Variants in OSBPL10 observed in about 807,000 individuals in gnomAD.
The protein encoded by OSBPL10 is oxysterol-binding protein-related protein 10.
Under a neutral mutation model 81.7 loss-of-function variants are expected in OSBPL10, and 49 were observed. That is an observed-to-expected ratio of 0.60 (90% CI 0.48 to 0.76). The LOEUF (loss-of-function observed/expected upper bound fraction) is 0.76. Ranked by LOEUF, OSBPL10 falls within the 30% of genes least tolerant of loss-of-function variation. The pLI is 0.00. For missense variants in OSBPL10, 923 were observed against 987.8 expected (o/e 0.93, Z 0.88); for synonymous variants, 419 against 383.6 (o/e 1.09, Z -1.08).
intron 7 of OSBPL10, among the ~76,000 whole-genome samples, chr3:31,691,473 A>C (rs563289999): frequency 3.2e-4 from 48 of 152,274 alleles, no homozygotes; most frequent in Non-Finnish European, 6.0e-4. Flanking sequence ...TGATCCCAGC[A>C]TTTTGAGAGG....
At chr3:31,947,236 C>G (rs1271669739) in intron 1 of OSBPL10, among the ~76,000 whole-genome samples, 1 of 152,064 alleles carries the variant, frequency 6.6e-6, no homozygotes, top group Non-Finnish European at 1.5e-5. Context: ...ACATAGAGAC[C>G]AGGATCCCAT....
chr3:31,928,762 C>CAAAAAAAAA (rs58345341), intron 1 of OSBPL10, among the ~76,000 whole-genome samples: 4 of 95,098 alleles, frequency 4.2e-5, no homozygotes, highest in East Asian at 5.9e-4. Context: ...GACTTGTCTC[C>CAAAAAAAAA]AAAAAAAAAA....
chr3:31,871,782 G>A (rs971301101), intron 3 of OSBPL10, among the ~76,000 whole-genome samples: 2 of 152,196 alleles, frequency 1.3e-5, no homozygotes, highest in African/African-American at 4.8e-5. Context: ...AGGATGGATT[G>A]AGAGCCTGGG....
chr3:32,041,858 C>T (rs1170272866), intron 2 of OSBPL10, among the ~76,000 whole-genome samples: 1 of 152,110 alleles, frequency 6.6e-6, no homozygotes, highest in African/African-American at 2.4e-5. Context: ...GGGTGTTTCA[C>T]CATGTTGGCC....
At chr3:31,718,857 T>G (rs925501487) in intron 6 of OSBPL10, 1 of 152,186 alleles carries the variant, frequency 6.6e-6, no homozygotes, top group African/African-American at 2.4e-5. Context: ...AGAACCTCCA[T>G]GGAATGCATC....
intron 2 of OSBPL10, among the ~76,000 whole-genome samples, chr3:32,033,789 G>A (rs1446341592): frequency 6.6e-6 from 1 of 152,190 alleles, no homozygotes; most frequent in Non-Finnish European, 1.5e-5. Flanking sequence ...CAGGCCAGGT[G>A]CAGTGGCTCA....
intron 4 of OSBPL10, among the ~76,000 whole-genome samples, chr3:31,790,935 C>A (rs574586773): frequency 3.3e-5 from 5 of 152,242 alleles, no homozygotes; most frequent in African/African-American, 7.2e-5. Context: ...TGTTCTCCCC[C>A]AAATGTAAGC....
At chr3:31,776,192 A>G (rs1698544566) in intron 4 of OSBPL10, among the ~76,000 whole-genome samples, 1 of 152,194 alleles carries the variant, frequency 6.6e-6, no homozygotes, top group African/African-American at 2.4e-5. Context: ...AAGTCAAGCA[A>G]TTATGCAACA....
chr3:31,822,413 CTGAAT>C (rs2125509057), intron 4 of OSBPL10, among the ~76,000 whole-genome samples: 1 of 152,260 alleles, frequency 6.6e-6, no homozygotes, highest in African/African-American at 2.4e-5. Flanking sequence ...AGCCTCCCTA[CTGAAT>C]TAAGTGTTGT....
intron 4 of OSBPL10, among the ~76,000 whole-genome samples, chr3:31,823,657 A>T (rs2125512450): frequency 6.6e-6 from 1 of 152,370 alleles, no homozygotes; most frequent in East Asian, 1.9e-4. Flanking sequence ...ATTTAACTGA[A>T]TGGATATAAA....
chr3:31,896,463 C>G (rs1696060619), intron 1 of OSBPL10, among the ~76,000 whole-genome samples: 2 of 152,164 alleles, frequency 1.3e-5, no homozygotes, highest in African/African-American at 4.8e-5. Context: ...GAGAACGTGC[C>G]CATCTCCAGC....
rs1287171509 is a variant in OSBPL10 at position 31,852,648 on chromosome 3, G to T, written c.538-22417C>A. Among the ~76,000 whole-genome samples the T allele has an allele frequency of 2.0e-5, 3 of 152,104 alleles. No individual in the cohort carries two copies. In the East Asian group the frequency reaches 5.8e-4, roughly 29 times the overall value. On this transcript the variant is annotated intron_variant, in intron 3 of 11. Transcript: ENST00000396556. ...GGCTGGAGTGCAGTGGCATGCTCTC[G>T]ACTCACTACAACCTCCAACTCCCAG...
intron 4 of OSBPL10, among the ~76,000 whole-genome samples, chr3:31,812,724 AAGAAAGAAAGAAAGAAAGAAAGAAAG>A (rs1559476082): frequency 3.8e-4 from 7 of 18,376 alleles, no homozygotes; most frequent in South Asian, 2.0e-3. Flanking sequence ...AAAAAAAAGA[AAGAAAGAAAGAAAGAAAGAAAGAAAG>A]AAAGAAAGAA....
chr3:31,833,964 C>A (rs947211593), intron 3 of OSBPL10, among the ~76,000 whole-genome samples: 2 of 152,176 alleles, frequency 1.3e-5, no homozygotes, highest in African/African-American at 2.4e-5. Flanking sequence ...AGTCAAAAAA[C>A]CTTTAATTTT....
chr3:32,002,617 T>G (rs1342063151), intron 2 of OSBPL10, among the ~76,000 whole-genome samples: 1 of 152,160 alleles, frequency 6.6e-6, no homozygotes, highest in Non-Finnish European at 1.5e-5. Flanking sequence ...TCTCTCTTGG[T>G]GACTTAGATC....
chr3:31,878,135 C>G (rs1172080916), intron 2 of OSBPL10, among the ~76,000 whole-genome samples: 1 of 152,026 alleles, frequency 6.6e-6, no homozygotes, highest in East Asian at 1.9e-4. Context: ...ATCATAAAAC[C>G]TCTATATTTG....
chr3:31,808,146 A>G (rs1003137817), intron 4 of OSBPL10, among the ~76,000 whole-genome samples: 1 of 152,152 alleles, frequency 6.6e-6, no homozygotes, highest in African/African-American at 2.4e-5. Context: ...AAGAGCCACA[A>G]TTCTGTACTC....
At chr3:31,849,224 A>G (rs34941285) in intron 3 of OSBPL10, among the ~76,000 whole-genome samples, 50,477 of 152,190 alleles carry the variant, frequency 0.33, 9,907 homozygotes, top group South Asian at 0.53. Flanking sequence ...GCCTGCCCAG[A>G]TAAGAAGAAA....
chr3:31,808,315 G>T (rs1056014427), intron 4 of OSBPL10, among the ~76,000 whole-genome samples: 1 of 152,182 alleles, frequency 6.6e-6, no homozygotes. Flanking sequence ...AGAGGTGATG[G>T]CCAGGAAAGG....
Sources: allele counts gnomAD v4.1 joint callset (sites outside exome capture counted in the v4.1 genomes callset), GRCh38; gene constraint gnomAD v4.1.1; transcripts MANE v1.5; gene names NCBI Gene and HGNC (gene_info 2026-07-23, HGNC 2026-07-21).